Variants in HHAT observed in about 807,000 individuals in gnomAD.
HHAT encodes the protein protein-cysteine N-palmitoyltransferase HHAT.
Under a neutral mutation model 70.8 loss-of-function variants are expected in HHAT, and 47 were observed. The observed-to-expected ratio is 0.66, with a 90% CI of 0.53 to 0.85. HHAT has a LOEUF of 0.85. Among genes scored for constraint, HHAT ranks in the 40% least tolerant of loss-of-function variants. The pLI, the probability that HHAT is intolerant of heterozygous loss-of-function variation, is 0.00. For missense variants in HHAT, 609 were observed against 604.8 expected (o/e 1.01, Z -0.07); for synonymous variants, 228 against 247.6 (o/e 0.92, Z 0.74).
chr1:210,392,887 C>G (rs2091547057), intron 4 of HHAT, among the ~76,000 whole-genome samples: 1 of 152,134 alleles, frequency 6.6e-6, no homozygotes, highest in African/African-American at 2.4e-5. Context: ...TCTTTCCAAA[C>G]CTCCTCCACG....
At chr1:210,470,567 A>G (rs184091695) in intron 8 of HHAT, among the ~76,000 whole-genome samples, 63 of 152,282 alleles carry the variant, frequency 4.1e-4, no homozygotes, top group African/African-American at 1.4e-3. Flanking sequence ...TTTACGAACC[A>G]TCATTATGTT....
chr1:210,593,813 A>G (rs934389273), intron 10 of HHAT, among the ~76,000 whole-genome samples: 39 of 152,122 alleles, frequency 2.6e-4, no homozygotes, highest in Non-Finnish European at 8.8e-5. Flanking sequence ...TAGCTCTAAT[A>G]ATATTTGCTT....
chr1:210,399,383 G>GA (rs2091954753), intron 4 of HHAT, among the ~76,000 whole-genome samples: 1 of 151,980 alleles, frequency 6.6e-6, no homozygotes, highest in East Asian at 1.9e-4. Context: ...CAGCCTCCCG[G>GA]GTAGTTGGGA....
chr1:210,377,017 T>C (rs887751845), intron 3 of HHAT, among the ~76,000 whole-genome samples: 21 of 152,236 alleles, frequency 1.4e-4, no homozygotes, highest in African/African-American at 4.8e-4. Context: ...AGATGTTCTG[T>C]ACAAATCAGC....
intron 1 of HHAT, among the ~76,000 whole-genome samples, chr1:210,337,352 T>G (rs1388675914): frequency 1.3e-5 from 2 of 152,110 alleles, no homozygotes; most frequent in Non-Finnish European, 2.9e-5. Flanking sequence ...ATGAACTAAC[T>G]GAGGGCAGGG....
At position 210,406,584 on chromosome 1, in the gene HHAT, G is replaced by A. The variant is rs575290370; in HGVS notation, c.684+1905G>A. Among the ~76,000 whole-genome samples, 37 of 152,124 alleles carry A rather than the reference G, an allele frequency of 2.4e-4. 1 individual carries two copies. In the South Asian group the frequency reaches 3.5e-3, roughly 15 times the overall value. ...ATTTTTTGTATTTTTAGTAGAGACC[G>A]GGTTTTGCTATGTTTCCCAGGCTTG... On this transcript the variant is annotated intron_variant, in intron 6 of 11. Transcript: ENST00000261458.
At chr1:210,497,451 C>T (rs1444206119) in intron 8 of HHAT, among the ~76,000 whole-genome samples, 1 of 152,184 alleles carries the variant, frequency 6.6e-6, no homozygotes, top group Non-Finnish European at 1.5e-5. Flanking sequence ...GGGTTCTTAA[C>T]TTGAAACTGT....
At chr1:210,467,033 G>A (rs1335719460) in intron 8 of HHAT, among the ~76,000 whole-genome samples, 2 of 152,214 alleles carry the variant, frequency 1.3e-5, no homozygotes, top group African/African-American at 4.8e-5. Flanking sequence ...CTGAGGGCAT[G>A]TGACAAAGTA....
intron 7 of HHAT, among the ~76,000 whole-genome samples, chr1:210,448,661 T>TTAAAGTAA (rs2093685201): frequency 1.3e-5 from 2 of 152,244 alleles, no homozygotes; most frequent in African/African-American, 4.8e-5. Context: ...CCAGCTTTCA[T>TTAAAGTAA]GATTTCCCTG....
chr1:210,335,318 G>GAA (rs11371332), intron 1 of HHAT, among the ~76,000 whole-genome samples: 21,596 of 145,512 alleles, frequency 0.15, 1,887 homozygotes, highest in Admixed American at 0.27. Context: ...CATTCATGAT[G>GAA]AAAAAAAAAA....
chr1:210,400,682 C>G lies in HHAT; in HGVS notation c.468+20C>G. The G allele has an allele frequency of 6.3e-7, 1 of 1,599,734 alleles. No homozygotes were observed. On this transcript the variant is annotated intron_variant, in intron 5 of 11. Coordinates refer to ENST00000261458, the MANE Select transcript of HHAT (RefSeq NM_018194.6). ...GTTAAGGTAAGTGTTTTCCTGTTAC[C>G]ATTGGGAATCCAGAGAAGGCCCCTT...
At chr1:210,664,325 G>A (rs113093478) in intron 11 of HHAT, among the ~76,000 whole-genome samples, 5 of 152,340 alleles carry the variant, frequency 3.3e-5, no homozygotes, top group African/African-American at 1.2e-4. Flanking sequence ...TTTAAATACA[G>A]CTGCCAAGCC....
At chr1:210,399,598 A>G (rs533849438) in intron 4 of HHAT, among the ~76,000 whole-genome samples, 11 of 152,294 alleles carry the variant, frequency 7.2e-5, no homozygotes, top group African/African-American at 2.6e-4. Flanking sequence ...ACAGGTAGTT[A>G]TGAGACACCA....
intron 10 of HHAT, among the ~76,000 whole-genome samples, chr1:210,612,714 A>G (rs1252237416): frequency 3.3e-5 from 5 of 152,104 alleles, no homozygotes; most frequent in Admixed American, 1.3e-4. Flanking sequence ...TTTTTGAGAA[A>G]CCTATATACC....
At chr1:210,638,271 C>A (rs1480356469) in intron 11 of HHAT, among the ~76,000 whole-genome samples, 1 of 152,094 alleles carries the variant, frequency 6.6e-6, no homozygotes, top group Admixed American at 6.5e-5. Flanking sequence ...GTGTAATAGC[C>A]AAAAAGTAGA....
In HHAT at chr1:210,362,712, G is replaced by A. The variant is rs558744040; in HGVS notation, c.92-140G>A. 2.3e-5 allele frequency: 15 copies of A among 655,590 alleles called. No homozygotes were observed. The South Asian group carries it at 2.8e-4, about 12-fold the overall frequency. 40.6% of individuals were successfully genotyped at this position (655,590 alleles called of 1,614,324 possible). ...ACACTGGAAAGCAAGGTCAAGGAGT[G>A]TGGTATGTTTCCGTGCCTGCACCTT... is the stretch of plus-strand genomic sequence containing the variant. On this transcript the variant is annotated intron_variant, in intron 2 of 11. Coordinates refer to ENST00000261458, the MANE Select transcript of HHAT (RefSeq NM_018194.6).
At chr1:210,464,129 T>C (rs1278734368) in intron 7 of HHAT, among the ~76,000 whole-genome samples, 1 of 152,144 alleles carries the variant, frequency 6.6e-6, no homozygotes, top group Non-Finnish European at 1.5e-5. Context: ...TTCGGTCAAA[T>C]ACTAGAACTT....
chr1:210,525,225 G>A (rs2095228091), intron 9 of HHAT, among the ~76,000 whole-genome samples: 1 of 151,964 alleles, frequency 6.6e-6, no homozygotes, highest in South Asian at 2.1e-4. Flanking sequence ...CCCCTCTTAG[G>A]ACACAGAGAC....
chr1:210,554,697 G>C (rs1374886191), intron 9 of HHAT, among the ~76,000 whole-genome samples: 1 of 152,172 alleles, frequency 6.6e-6, no homozygotes, highest in Non-Finnish European at 1.5e-5. Context: ...GGGTTTCCTT[G>C]ACTTCCTCTC....
Sources: gnomAD v4.1 joint callset for allele counts (sites outside exome capture counted in the v4.1 genomes callset) on GRCh38, gnomAD v4.1.1 for gene constraint, MANE v1.5 for transcripts, NCBI Gene and HGNC (gene_info 2026-07-23, HGNC 2026-07-21) for gene names.